CLHC1: variants seen among roughly 807,000 people sequenced by gnomAD.
The protein encoded by CLHC1 is clathrin heavy chain linker domain containing 1.
A neutral mutation model predicts 69.5 loss-of-function variants in CLHC1; 72 were observed. The ratio of observed to expected loss-of-function variants is 1.04; its 90% CI spans 0.86 to 1.26. The LOEUF is 1.26. Ranked by LOEUF, CLHC1 falls within the 50% of genes most tolerant of loss-of-function variation. The probability of loss-of-function intolerance (pLI) is 0.00; values close to 1 mark genes in which losing one functional copy is unlikely to be tolerated. For missense variants in CLHC1, 790 were observed against 679.3 expected (o/e 1.16, Z -1.81); for synonymous variants, 223 against 224.3 (o/e 0.99, Z 0.05).
At chr2:55,224,464 C>G (rs1226336261) in intron 2 of CLHC1, 2 of 397,170 alleles carry the variant, frequency 5.0e-6, no homozygotes, top group African/African-American at 2.1e-5. Context: ...TGGTCCTTAG[C>G]TGGCGCTGCA....
At chr2:55,205,924 C>T (rs1053281966) in intron 9 of CLHC1, among the ~76,000 whole-genome samples, 2 of 151,730 alleles carry the variant, frequency 1.3e-5, no homozygotes, top group African/African-American at 4.8e-5. Flanking sequence ...AAATTGTGTA[C>T]TTTAATATGT....
chr2:55,204,973 T>C (rs1422568246), intron 9 of CLHC1, among the ~76,000 whole-genome samples: 1 of 151,860 alleles, frequency 6.6e-6, no homozygotes, highest in Non-Finnish European at 1.5e-5. Flanking sequence ...GGCTGTTTAA[T>C]GGGTTAAAAA....
intron 1 of CLHC1, among the ~76,000 whole-genome samples, chr2:55,230,941 G>A (rs1675259572): frequency 6.6e-6 from 1 of 152,114 alleles, no homozygotes; most frequent in Admixed American, 6.5e-5. Flanking sequence ...CTAGTTGGCG[G>A]ACTAGGGGAT....
At chr2:55,231,493 T>C (rs575366377) in intron 1 of CLHC1, among the ~76,000 whole-genome samples, 4 of 152,264 alleles carry the variant, frequency 2.6e-5, no homozygotes, top group South Asian at 2.1e-4. Flanking sequence ...AATGAATATT[T>C]TGGAGGCAAT....
In CLHC1 at chr2:55,201,882, T is replaced by A. The variant is rs138603913; in HGVS notation, c.1006+4388A>T. 3.1e-3 allele frequency among the ~76,000 whole-genome samples: 471 copies of A among 152,238 alleles called. 3 individuals carry two copies. Among genetic ancestry groups the A allele is most frequent in the Non-Finnish European group, 5.1e-3 (349 of 68,012 alleles). On this transcript the variant is annotated intron_variant, in intron 9 of 12. Coordinates refer to ENST00000401408, the MANE Select transcript of CLHC1 (RefSeq NM_152385.4). Reference sequence around the variant, plus strand: ...TACACAAATGAATCAATGTAATGTATCCTATATCAACAGAATGAAGGACAA... The same window carrying A: ...TACACAAATGAATCAATGTAATGTAACCTATATCAACAGAATGAAGGACAA...
intron 2 of CLHC1, chr2:55,224,737 T>C: frequency 3.2e-6 from 1 of 310,258 alleles, no homozygotes; most frequent in Non-Finnish European, 6.7e-6. Context: ...AGATTCTGCC[T>C]CCCTTGTGTC....
rs550155293 is a variant in CLHC1, at chr2:55,206,704, A to AT, written c.900-329dup. The AT allele has an allele frequency of 1.6e-3, 386 of 239,998 alleles. 1 individual carries two copies. Among genetic ancestry groups the AT allele is most frequent in the African/African-American group, 8.3e-3 (359 of 43,122 alleles). 14.9% of individuals were successfully genotyped at this position (239,998 alleles called of 1,614,324 possible). A position where few individuals can be genotyped will look rare whatever the true frequency, so the allele number is the denominator to read the frequency against. On this transcript the variant is annotated intron_variant, in intron 8 of 12. Transcript: ENST00000401408. ...GAACTTGAATTTATTATGAACTCAG[A>AT]TTTTTTTCCCTGCATATCATCTCCA... is the stretch of plus-strand genomic sequence containing the variant.
chr2:55,206,782 C>T (rs940662724), intron 8 of CLHC1: 3 of 184,760 alleles, frequency 1.6e-5, no homozygotes, highest in East Asian at 3.4e-4. Flanking sequence ...TTAGAAACAT[C>T]GCCTAAAGGA....
At chr2:55,178,607 G>A (rs560256185) in intron 11 of CLHC1, among the ~76,000 whole-genome samples, 1 of 151,568 alleles carries the variant, frequency 6.6e-6, no homozygotes, top group Non-Finnish European at 1.5e-5. Context: ...TCCCGCCTCA[G>A]CCTTCCCAGT....
chr2:55,179,243 T>C (rs1669685117), intron 11 of CLHC1, among the ~76,000 whole-genome samples: 1 of 152,108 alleles, frequency 6.6e-6, no homozygotes, highest in African/African-American at 2.4e-5. Flanking sequence ...CCAGATTCTG[T>C]CCTGTCACTA....
At chr2:55,206,103 G>C (rs2103909611) in intron 9 of CLHC1, among the ~76,000 whole-genome samples, 167 bp downstream of exon 9, 1 of 152,244 alleles carries the variant, frequency 6.6e-6, no homozygotes, top group African/African-American at 2.4e-5. Flanking sequence ...ATGTAATTTA[G>C]AAAATCTAAT....
intron 4 of CLHC1, chr2:55,214,683 C>T (rs1382741385): frequency 1.3e-5 from 2 of 151,980 alleles, no homozygotes; most frequent in East Asian, 3.9e-4. Context: ...TAGATTTGTG[C>T]TTATAAACAA....
At chr2:55,227,326 C>G (rs548419253) in intron 2 of CLHC1, among the ~76,000 whole-genome samples, 32 of 151,116 alleles carry the variant, frequency 2.1e-4, no homozygotes, top group Admixed American at 2.0e-3. Context: ...AGATAAGGTC[C>G]CTGGCTCCTT....
chr2:55,230,484 T>A (rs1443012668), intron 1 of CLHC1, among the ~76,000 whole-genome samples: 1 of 152,194 alleles, frequency 6.6e-6, no homozygotes, highest in Non-Finnish European at 1.5e-5. Context: ...ATATCTGGTC[T>A]GACAGATAAG....
chr2:55,183,366 C>T (rs1169391885), intron 9 of CLHC1, among the ~76,000 whole-genome samples: 1 of 152,134 alleles, frequency 6.6e-6, no homozygotes, highest in Non-Finnish European at 1.5e-5. Context: ...CCAACACAGC[C>T]CTTTTAAAGG....
Position 55,181,716 on chromosome 2 carries a change from A to T in CLHC1, c.1035T>A (p.Leu345=). 6.2e-7 allele frequency: 1 copy of T among 1,613,190 alleles called. No homozygotes were observed. The highest frequency in any genetic ancestry group is 8.5e-7 in the Non-Finnish European group (1 of 1,179,760). The change falls in exon 10 of 13, where the codon CTT becomes CTA. Residue 345 remains leucine, a synonymous_variant. Transcript: ENST00000401408. ...GGGCCTCAAAAAATAAGAGTAATGG[A>T]AGAGGCTTTCCTCTAATTTTTCCAA... ...KAVGKIRGKP[L]PLLLFFEALF...
At chr2:55,206,739 G>C (rs1239228112) in intron 8 of CLHC1, 3 of 213,934 alleles carry the variant, frequency 1.4e-5, no homozygotes, top group Non-Finnish European at 2.7e-5. Flanking sequence ...ACATGAAAAA[G>C]TACTGGCATC....
chr2:55,185,187 G>A (rs184211265), intron 9 of CLHC1, among the ~76,000 whole-genome samples: 8 of 152,218 alleles, frequency 5.3e-5, no homozygotes, highest in Admixed American at 5.2e-4. Context: ...AGCCTTAAAA[G>A]TTTGATTCCT....
chr2:55,187,497 C>T (rs1256260489), intron 9 of CLHC1, among the ~76,000 whole-genome samples: 1 of 151,646 alleles, frequency 6.6e-6, no homozygotes, highest in Admixed American at 6.6e-5. Context: ...CCTCTAGTCC[C>T]AGCTACTCAG....
Sources: gnomAD v4.1 joint callset for allele counts (sites outside exome capture counted in the v4.1 genomes callset) on GRCh38, gnomAD v4.1.1 for gene constraint, MANE v1.5 for transcripts, NCBI Gene and HGNC (gene_info 2026-07-23, HGNC 2026-07-21) for gene names.